Variants in CNOT4 observed in about 807,000 individuals in gnomAD.
CNOT4 encodes the protein CCR4-associated factor 4.
In CNOT4, 8 loss-of-function variants were observed where a neutral mutation model predicts 73.8. That is an observed-to-expected ratio of 0.11 (90% CI 0.06 to 0.20). The LOEUF is 0.20. CNOT4 is among the 10% of genes least tolerant of loss of function. The probability of loss-of-function intolerance (pLI) is 1.00; values close to 1 mark genes in which losing one functional copy is unlikely to be tolerated. For synonymous variants in CNOT4, 293 were observed against 321.1 expected (o/e 0.91, Z 0.94); for missense variants, 564 against 883.4 (o/e 0.64, Z 4.58).
At chr7:135,410,877 A>G (rs1181095561) in intron 6 of CNOT4, among the ~76,000 whole-genome samples, 2 of 151,826 alleles carry the variant, frequency 1.3e-5, no homozygotes, top group South Asian at 2.1e-4. Flanking sequence ...ACAAAATTAT[A>G]TGATATATAT....
intron 2 of CNOT4, among the ~76,000 whole-genome samples, chr7:135,429,104 G>A (rs1055485516): frequency 6.6e-6 from 1 of 151,994 alleles, no homozygotes; most frequent in African/African-American, 2.4e-5. Context: ...TTATAAATAC[G>A]GATGTCAGTT....
intron 1 of CNOT4, among the ~76,000 whole-genome samples, chr7:135,478,451 T>TA: frequency 6.6e-6 from 1 of 152,244 alleles, no homozygotes; most frequent in South Asian, 2.1e-4. Flanking sequence ...AATGATATTA[T>TA]AAGAATAGGG....
chr7:135,501,222 C>G (rs1315643121), intron 1 of CNOT4, among the ~76,000 whole-genome samples: 1 of 151,936 alleles, frequency 6.6e-6, no homozygotes, highest in Non-Finnish European at 1.5e-5. Context: ...TGACCTCAAG[C>G]AATCCTCCCA....
intron 1 of CNOT4, among the ~76,000 whole-genome samples, chr7:135,499,013 A>G (rs1185379343): frequency 1.3e-5 from 2 of 152,338 alleles, no homozygotes; most frequent in African/African-American, 4.8e-5. Flanking sequence ...AGAGAATTCA[A>G]TTATTTTATA....
chr7:135,391,942 T>A (rs1327520278), intron 10 of CNOT4, among the ~76,000 whole-genome samples: 1 of 152,028 alleles, frequency 6.6e-6, no homozygotes, highest in Non-Finnish European at 1.5e-5. Context: ...TGCCTCATTG[T>A]CAGAGTTTCT....
At chr7:135,409,025 A>C (rs761331844) in intron 7 of CNOT4, among the ~76,000 whole-genome samples, 1 of 152,198 alleles carries the variant, frequency 6.6e-6, no homozygotes, top group Non-Finnish European at 1.5e-5. Context: ...CAAAGAGATC[A>C]TCTAAATTTT....
chr7:135,482,671 C>T (rs1405976881), intron 1 of CNOT4, among the ~76,000 whole-genome samples: 1 of 151,558 alleles, frequency 6.6e-6, no homozygotes, highest in Non-Finnish European at 1.5e-5. Flanking sequence ...AAACTTCAGA[C>T]CAATACCTCT....
In CNOT4 at chr7:135,394,256, G is replaced by C; in HGVS notation, c.1289C>G (p.Ser430Cys). 2 of 1,614,188 alleles carry C rather than the reference G, an allele frequency of 1.2e-6. No individual in the cohort carries two copies. The highest frequency in any genetic ancestry group is 8.5e-7 in the Non-Finnish European group (1 of 1,180,022). The change falls in exon 10 of 12, where the codon TCC becomes TGC. Residue 430 changes from serine (S) to cysteine (C), a missense_variant. Transcript: ENST00000541284. Reference protein sequence around the residue: ...EKELSVQDQPSLSPTSLQNSS... With the variant: ...EKELSVQDQPCLSPTSLQNSS... ...GTTCTGAAGAGATGTGGGCGAAAGG[G>C]AAGGTTGGTCTTGAACGGACAGTTC...
At chr7:135,503,003 AT>A (rs1804098903) in intron 1 of CNOT4, among the ~76,000 whole-genome samples, 1 of 151,522 alleles carries the variant, frequency 6.6e-6, no homozygotes, top group Non-Finnish European at 1.5e-5. Flanking sequence ...AAATATAAAA[AT>A]TAGCTGGGCA....
chr7:135,468,347 C>G (rs538157432), intron 1 of CNOT4, among the ~76,000 whole-genome samples: 1 of 152,142 alleles, frequency 6.6e-6, no homozygotes, highest in South Asian at 2.1e-4. Context: ...CAATACATTT[C>G]CCCACTCTCA....
chr7:135,364,261 A>C lies in CNOT4; in HGVS notation c.1628-195T>G, dbSNP rs1794795793. 1.3e-5 allele frequency among the ~76,000 whole-genome samples: 2 copies of C among 152,096 alleles called. No homozygotes were observed. On this transcript the variant is annotated intron_variant, in intron 10 of 11. Coordinates refer to ENST00000541284, the MANE Select transcript of CNOT4 (RefSeq NM_001190850.2). The surrounding 1 kb of genome is among the most constrained non-coding windows in gnomAD (Gnocchi z 4.3). Reference sequence around the variant, plus strand: ...GCTCAGAGCCCCTGAAGTGAGGAAAAACTTGCTCAAGGATCAGGAGAGGGA... The same window carrying C: ...GCTCAGAGCCCCTGAAGTGAGGAAACACTTGCTCAAGGATCAGGAGAGGGA...
chr7:135,438,746 TTG>T (rs1799302989), intron 1 of CNOT4, among the ~76,000 whole-genome samples: 1 of 152,242 alleles, frequency 6.6e-6, no homozygotes, highest in African/African-American at 2.4e-5. Context: ...TGTCTCATCT[TTG>T]ACCTAAAACC....
At position 135,362,966 on chromosome 7, in the gene CNOT4, G is replaced by A. The variant is rs767657143; in HGVS notation, c.2061C>T (p.Pro687=). The A allele has an allele frequency of 4.3e-6, 7 of 1,613,414 alleles. No homozygotes were observed. Among genetic ancestry groups the A allele is most frequent in the East Asian group, 2.2e-5 (1 of 44,858 alleles). ...GTCTGAAGGCTGTCTGAAAGCCTGG[G>A]GGTGGGGAGTGGAAGCTGGAAGGGT... is the stretch of plus-strand genomic sequence containing the variant. ...PSNPSSFHSP[P]PGFQTAFRPP... Residue 687 remains proline, a synonymous_variant, in exon 12 of 12, where the codon CCC becomes CCT. Transcript: ENST00000541284.
rs546413497 is a variant in CNOT4 at position 135,420,269 on chromosome 7, C to T, written c.372+1887G>A. ...GTTCCATTCATTTACTGGAACTGCA[C>T]GTCAGAAACGTGAAAGTAGATTCTA... On this transcript the variant is annotated intron_variant, in intron 3 of 11. Transcript: ENST00000541284. Among the ~76,000 whole-genome samples the T allele has an allele frequency of 1.7e-4, 26 of 152,066 alleles. 1 individual carries two copies. In the South Asian group the frequency reaches 2.9e-3, roughly 17 times the overall value.
chr7:135,430,898 C>T (rs575528290), intron 2 of CNOT4, among the ~76,000 whole-genome samples: 32 of 152,276 alleles, frequency 2.1e-4, no homozygotes, highest in Admixed American at 1.4e-3. Flanking sequence ...ACAAAGATAT[C>T]TTTCTTATCA....
At chr7:135,507,513 C>CT in intron 1 of CNOT4, among the ~76,000 whole-genome samples, 1 of 152,214 alleles carries the variant, frequency 6.6e-6, no homozygotes, top group Non-Finnish European at 1.5e-5. Context: ...TTCCTTTTGA[C>CT]TTCAGAGGGC....
At chr7:135,433,389 C>T (rs1251856201) in intron 2 of CNOT4, among the ~76,000 whole-genome samples, 1 of 124,350 alleles carries the variant, frequency 8.0e-6, no homozygotes, top group African/African-American at 3.1e-5. Context: ...TAGTATCTTG[C>T]TCTATCACCC....
intron 7 of CNOT4, among the ~76,000 whole-genome samples, chr7:135,407,411 TA>T (rs1043052494): frequency 6.9e-4 from 105 of 152,278 alleles, no homozygotes; most frequent in African/African-American, 2.4e-3. Flanking sequence ...AATAACAAGG[TA>T]TTTCATATTG....
intron 1 of CNOT4, among the ~76,000 whole-genome samples, chr7:135,440,345 ACCCC>A (rs1799402958): frequency 6.8e-6 from 1 of 146,868 alleles, no homozygotes; most frequent in Admixed American, 6.7e-5. Context: ...TTTTTTTTTT[ACCCC>A]ATCAGCCTGT....
Sources: allele counts gnomAD v4.1 joint callset (sites outside exome capture counted in the v4.1 genomes callset), GRCh38; gene constraint gnomAD v4.1.1; non-coding constraint Gnocchi (gnomAD v3.1); transcripts MANE v1.5; gene names NCBI Gene and HGNC (gene_info 2026-07-23, HGNC 2026-07-21).